CNGB3: variants seen among roughly 807,000 people sequenced by gnomAD.
The protein encoded by CNGB3 is cyclic nucleotide-gated channel beta-3.
In CNGB3, 86 loss-of-function variants were observed where a neutral mutation model predicts 92.8. The observed-to-expected ratio is 0.93, with a 90% CI of 0.78 to 1.11. The LOEUF is 1.11. CNGB3 is among the 50% of genes least tolerant of loss of function. The pLI, the probability that CNGB3 is intolerant of heterozygous loss-of-function variation, is 0.00. For synonymous variants in CNGB3, 333 were observed against 332.7 expected, an observed-to-expected ratio of 1.00 and a Z score of -0.01; for missense variants, 1,026 against 956.8, an observed-to-expected ratio of 1.07 and a Z score of -0.95.
chr8:86,619,963 C>A (rs1246794543), intron 13 of CNGB3, among the ~76,000 whole-genome samples: 1 of 152,038 alleles, frequency 6.6e-6, no homozygotes, highest in Non-Finnish European at 1.5e-5. Flanking sequence ...TCAGGCAATC[C>A]TCTTGCCTCA....
chr8:86,625,947 A>C, intron 13 of CNGB3, 36 bp downstream of exon 13: 2 of 1,504,794 alleles, frequency 1.3e-6, no homozygotes, highest in Non-Finnish European at 1.8e-6. Flanking sequence ...CCATAGAGAA[A>C]TAGATACAGA....
chr8:86,619,231 A>G (rs1210704567), intron 13 of CNGB3, among the ~76,000 whole-genome samples: 3 of 152,210 alleles, frequency 2.0e-5, no homozygotes. Context: ...GTTTCTGGTA[A>G]TGCAGTAGTA....
intron 11 of CNGB3, 38 bp from the exon 12 acceptor site, chr8:86,629,116 G>A: frequency 3.1e-6 from 5 of 1,611,234 alleles, no homozygotes; most frequent in Non-Finnish European, 4.2e-6. Context: ...GCCCAGCAGA[G>A]GAAATGAGTT....
At chr8:86,596,087 T>C (rs1822166177) in intron 15 of CNGB3, among the ~76,000 whole-genome samples, 1 of 152,278 alleles carries the variant, frequency 6.6e-6, no homozygotes, top group South Asian at 2.1e-4. Flanking sequence ...ATGCAGAAGG[T>C]AAATGATCAC....
At chr8:86,696,375 C>T (rs1044501787) in intron 3 of CNGB3, among the ~76,000 whole-genome samples, 1 of 152,138 alleles carries the variant, frequency 6.6e-6, no homozygotes, top group Non-Finnish European at 1.5e-5. Context: ...TCAGGTTTCT[C>T]AGGTGATGAG....
chr8:86,595,141 A>G (rs1822141385), intron 15 of CNGB3, among the ~76,000 whole-genome samples: 1 of 152,120 alleles, frequency 6.6e-6, no homozygotes, highest in Non-Finnish European at 1.5e-5. Flanking sequence ...ATCTAAGACA[A>G]TACCTGACTT....
chr8:86,576,209 G>A, intron 17 of CNGB3, 79 bp from the exon 18 acceptor site: 2 of 1,411,940 alleles, frequency 1.4e-6, no homozygotes, highest in Non-Finnish European at 2.0e-6. Flanking sequence ...AGCATGCAAT[G>A]GCTAAGATCA....
chr8:86,634,616 T>A (rs1247642330), intron 10 of CNGB3, among the ~76,000 whole-genome samples: 1 of 151,978 alleles, frequency 6.6e-6, no homozygotes, highest in Non-Finnish European at 1.5e-5. Flanking sequence ...CAGGTTTTGT[T>A]ACAGAGGGAC....
chr8:86,667,258 T>C, intron 5 of CNGB3, 125 bp from the exon 6 acceptor site: 1 of 792,656 alleles, frequency 1.3e-6, no homozygotes, highest in Non-Finnish European at 2.2e-6. Context: ...GAGGCTCTAT[T>C]AAACATTCAA....
At chr8:86,626,473 A>G (rs1367270718) in intron 12 of CNGB3, among the ~76,000 whole-genome samples, 1 of 152,188 alleles carries the variant, frequency 6.6e-6, no homozygotes, top group Non-Finnish European at 1.5e-5. Context: ...ATGGCAAATA[A>G]TAATGAGCAC....
rs879572645 is a variant in CNGB3, at chr8:86,741,674, C to CA, written c.129+1824dup. Among the ~76,000 whole-genome samples the CA allele has an allele frequency of 3.0e-3, 435 of 143,300 alleles. 3 individuals carry two copies. The highest frequency in any genetic ancestry group is 0.018 in the East Asian group (88 of 4,956). 94.0% of individuals were successfully genotyped at this position (143,300 alleles called of 152,430 possible). On this transcript the variant is annotated intron_variant, in intron 1 of 17. Coordinates refer to ENST00000320005, the MANE Select transcript of CNGB3 (RefSeq NM_019098.5). Reference sequence around the variant, plus strand: ...GAATGAGACTCTGTCTCAAAAAAAACAAAAAAAAAAAATCTAATGTGATGC... The same window carrying CA: ...GAATGAGACTCTGTCTCAAAAAAAACAAAAAAAAAAAAATCTAATGTGATGC...
At chr8:86,690,785 A>G (rs1030554754) in intron 3 of CNGB3, among the ~76,000 whole-genome samples, 3 of 152,066 alleles carry the variant, frequency 2.0e-5, no homozygotes, top group Non-Finnish European at 4.4e-5. Context: ...ATGGCTAGCC[A>G]GTTTTCCCAG....
intron 6 of CNGB3, chr8:86,658,959 T>C: frequency 9.2e-7 from 1 of 1,086,792 alleles, no homozygotes; most frequent in Non-Finnish European, 1.4e-6. Flanking sequence ...ACTCAAGCCC[T>C]CATTGTCTTG....
At chr8:86,594,460 G>T (rs1822125258) in intron 15 of CNGB3, 1 of 279,080 alleles carries the variant, frequency 3.6e-6, no homozygotes, top group South Asian at 3.4e-5. Flanking sequence ...GCTTGTCGGT[G>T]GTAAAGACGT....
chr8:86,632,468 G>A (rs1312011979), intron 11 of CNGB3, among the ~76,000 whole-genome samples: 2 of 152,010 alleles, frequency 1.3e-5, no homozygotes, highest in Non-Finnish European at 2.9e-5. Flanking sequence ...GATTTTAATG[G>A]TTTTCATTAG....
At chr8:86,697,273 T>G (rs139215821) in intron 3 of CNGB3, among the ~76,000 whole-genome samples, 85 of 152,334 alleles carry the variant, frequency 5.6e-4, no homozygotes, top group African/African-American at 1.8e-3. Flanking sequence ...TACTCTTTAT[T>G]CCATCACAGA....
intron 3 of CNGB3, among the ~76,000 whole-genome samples, chr8:86,699,144 A>G (rs1824504914): frequency 6.6e-6 from 1 of 152,184 alleles, no homozygotes; most frequent in Non-Finnish European, 1.5e-5. Context: ...TTACGCCCAC[A>G]ACTGGATTTT....
intron 6 of CNGB3, chr8:86,661,990 A>G (rs929665720): frequency 1.1e-5 from 5 of 442,646 alleles, no homozygotes; most frequent in Non-Finnish European, 1.6e-5. Context: ...TGTCTTGTCC[A>G]CAGGAGATTC....
At chr8:86,635,821 GATATATAT>G (rs57486853) in intron 10 of CNGB3, among the ~76,000 whole-genome samples, 163 of 60,598 alleles carry the variant, frequency 2.7e-3, no homozygotes, top group South Asian at 0.014. Flanking sequence ...TATAACACAT[GATATATAT>G]ATATATATAT....
Sources: allele counts gnomAD v4.1 joint callset (sites outside exome capture counted in the v4.1 genomes callset), GRCh38; gene constraint gnomAD v4.1.1; transcripts MANE v1.5; gene names NCBI Gene and HGNC (gene_info 2026-07-23, HGNC 2026-07-21).